PTGS1: variants seen among roughly 807,000 people sequenced by gnomAD.
PTGS1 encodes the protein prostaglandin-endoperoxide synthase 1.
In PTGS1, 40 loss-of-function variants were observed where a neutral mutation model predicts 63.0. That is an observed-to-expected ratio of 0.63 (90% CI 0.49 to 0.83). PTGS1 has a LOEUF of 0.83. Among genes scored for constraint, PTGS1 ranks in the 40% least tolerant of loss-of-function variants. The pLI is 0.00. For synonymous variants in PTGS1, 298 were observed against 301.9 expected (o/e 0.99, Z 0.13); for missense variants, 709 against 786.5 (o/e 0.90, Z 1.18).
chr9:122,388,409 G>A (rs775182843), intron 9 of PTGS1, among the ~76,000 whole-genome samples: 5 of 152,158 alleles, frequency 3.3e-5, no homozygotes, highest in Admixed American at 6.5e-5. Flanking sequence ...CCTCTCAGGG[G>A]TTCCCATGTG....
intron 2 of PTGS1, chr9:122,371,914 C>G: frequency 7.5e-6 from 8 of 1,066,136 alleles, no homozygotes; most frequent in Non-Finnish European, 1.1e-5. Context: ...CGTCCACACA[C>G]TTCGCAAGGT....
At chr9:122,375,344 C>T (rs759738095) in intron 2 of PTGS1, 15 of 985,484 alleles carry the variant, frequency 1.5e-5, no homozygotes, top group South Asian at 1.4e-4. Flanking sequence ...TTCTGCCTGC[C>T]GAGGCAGAGC....
chr9:122,391,384 T>TAC lies in PTGS1; in HGVS notation c.1445-803_1445-802dup, dbSNP rs1554722097. On this transcript the variant is annotated intron_variant, in intron 10 of 10. Coordinates refer to ENST00000362012, the MANE Select transcript of PTGS1 (RefSeq NM_000962.4). ...ATATATATATATACATATATATATA[T>TAC]ACATATATATATACATATATATATA... 3.1e-3 allele frequency among the ~76,000 whole-genome samples: 267 copies of TAC among 85,346 alleles called. 1 individual carries two copies. The highest frequency in any genetic ancestry group is 0.021 in the African/African-American group (258 of 12,250). The allele number at this position is 85,346 out of a possible 152,430, so 56.0% of individuals were successfully genotyped here. A position where few individuals can be genotyped will look rare whatever the true frequency, so the allele number is the denominator to read the frequency against.
chr9:122,371,917 C>G, intron 2 of PTGS1: 1 of 1,044,906 alleles, frequency 9.6e-7, no homozygotes, highest in Non-Finnish European at 1.4e-6. Flanking sequence ...CCACACACTT[C>G]GCAAGGTCTT....
chr9:122,383,829 T>G lies in PTGS1; in HGVS notation c.1009+74T>G, dbSNP rs559761520. The G allele has an allele frequency of 4.9e-5, 76 of 1,559,158 alleles. No homozygotes were observed. In the East Asian group the frequency reaches 1.6e-3, roughly 33 times the overall value. ...TGAGAAGTTGGGGGCGGGGGGGTAC[T>G]TAGAGGTGGAGGCTGGGATTAGAAT... is the stretch of plus-strand genomic sequence containing the variant. On this transcript the variant is annotated intron_variant, in intron 8 of 10. Coordinates refer to ENST00000362012, the MANE Select transcript of PTGS1 (RefSeq NM_000962.4).
intron 2 of PTGS1, chr9:122,371,527 A>G: frequency 7.4e-7 from 1 of 1,355,892 alleles, no homozygotes; most frequent in African/African-American, 1.5e-5. Flanking sequence ...GGGAGAAGGG[A>G]CAGTCCCTAT....
intron 8 of PTGS1, 36 bp downstream of exon 8, chr9:122,383,791 A>G (rs1837693190): frequency 6.3e-7 from 1 of 1,590,136 alleles, no homozygotes; most frequent in South Asian, 1.1e-5. Context: ...CTGGAAGGTC[A>G]TTCCCTCCAT....
Position 122,392,614 on chromosome 9 carries a change from T to C in PTGS1, c.*70T>C, listed in dbSNP as rs1461654660. 1.4e-6 allele frequency: 2 copies of C among 1,413,944 alleles called. No homozygotes were observed. Among genetic ancestry groups the C allele is most frequent in the Admixed American group, 4.1e-5 (2 of 48,562 alleles). 87.6% of individuals were successfully genotyped at this position (1,413,944 alleles called of 1,614,324 possible). On this transcript the variant is annotated 3_prime_UTR_variant, in exon 11 of 11. Transcript: ENST00000362012. ...CATTCCAGAGTGCTGAGGCCAGGGCTGATGGTCTTAAATGCTCATTTTCTG... is the reference window on the plus strand; with the variant it reads ...CATTCCAGAGTGCTGAGGCCAGGGCCGATGGTCTTAAATGCTCATTTTCTG...
intron 2 of PTGS1, among the ~76,000 whole-genome samples, chr9:122,377,468 GC>G (rs926723513): frequency 3.4e-4 from 51 of 151,190 alleles, no homozygotes; most frequent in African/African-American, 1.1e-3. Flanking sequence ...TTTTCTGACC[GC>G]CCCCCCACCC....
At chr9:122,371,476 C>A (rs1429425600) in intron 2 of PTGS1, 1 of 1,257,782 alleles carries the variant, frequency 8.0e-7, no homozygotes, top group African/African-American at 1.5e-5. Flanking sequence ...CTATCTAGTT[C>A]TTTCAGGGGA....
chr9:122,390,066 C>G lies in PTGS1; in HGVS notation c.1297-132C>G, dbSNP rs986737904. The stretch of plus-strand genomic sequence containing the variant: ...GGGCAGGTCTGCAGCATCACAACTG[C>G]TAGGCTGCCCAACACTCTCCATCCT... On this transcript the variant is annotated intron_variant, in intron 9 of 10. Coordinates refer to ENST00000362012, the MANE Select transcript of PTGS1 (RefSeq NM_000962.4). The G allele has an allele frequency of 4.5e-6, 5 of 1,099,832 alleles. No homozygotes were observed. In the African/African-American group the frequency reaches 7.9e-5, roughly 17 times the overall value. The allele number at this position is 1,099,832 out of a possible 1,614,324, so 68.1% of individuals were successfully genotyped here. A position where few individuals can be genotyped will look rare whatever the true frequency, so the allele number is the denominator to read the frequency against.
At chr9:122,371,332 A>G (rs1803541810) in intron 2 of PTGS1, 60 bp downstream of exon 2, 2 of 1,596,318 alleles carry the variant, frequency 1.3e-6, no homozygotes, top group Admixed American at 3.3e-5. Flanking sequence ...GCCTGGTTTC[A>G]ACCCCCTCCT....
Position 122,392,418 on chromosome 9 carries a change from C to T in PTGS1, c.1674C>T (p.Val558=). The T allele has an allele frequency of 6.2e-7, 1 of 1,614,140 alleles. No individual in the cohort carries two copies. Among genetic ancestry groups the T allele is most frequent in the Non-Finnish European group, 8.5e-7 (1 of 1,180,014 alleles). Residue 558 remains valine, a synonymous_variant, in exon 11 of 11, where the codon GTC becomes GTT. Transcript: ENST00000362012. ...TFGGEVGFNI[V]KTATLKKLVC... ...GCGGCGAGGTGGGCTTTAACATTGT[C>T]AAGACGGCCACACTGAAGAAGCTGG...
chr9:122,375,554 T>C, intron 2 of PTGS1: 2 of 906,314 alleles, frequency 2.2e-6, no homozygotes, highest in South Asian at 1.0e-4. Flanking sequence ...GCATAGCCTG[T>C]GCTGGGGGAA....
rs568125654 is a variant in PTGS1, at chr9:122,395,398, T to G, written c.*2854T>G. 1 of 152,222 alleles carries G rather than the reference T, an allele frequency of 6.6e-6. No homozygotes were observed. The highest frequency in any genetic ancestry group is 1.5e-5 in the Non-Finnish European group (1 of 68,030). The allele number at this position is 152,222 out of a possible 1,614,324, so 9.4% of individuals were successfully genotyped here. A position where few individuals can be genotyped will look rare whatever the true frequency, so the allele number is the denominator to read the frequency against. On this transcript the variant is annotated 3_prime_UTR_variant, in exon 11 of 11. Coordinates refer to ENST00000362012, the MANE Select transcript of PTGS1 (RefSeq NM_000962.4). ...GTTTGGTTGGGCTATAGCACACAGT[T>G]ATTTAATCAAACAGTAATCTAGGTG...
rs1838264950 is a variant in PTGS1 at position 122,391,407 on chromosome 9, A to ATGTG, written c.1445-781_1445-780insGTGT. ...TATACATATATATATACATATATATATACATATATATATATATATACATAT... is the reference window on the plus strand; with the variant it reads ...TATACATATATATATACATATATATATGTGTACATATATATATATATATACATAT... On this transcript the variant is annotated intron_variant, in intron 10 of 10. Transcript: ENST00000362012. 1.1e-4 allele frequency among the ~76,000 whole-genome samples: 6 copies of ATGTG among 53,366 alleles called. No individual in the cohort carries two copies. The African/African-American group carries it at 1.1e-3, about 10-fold the overall frequency. The allele number at this position is 53,366 out of a possible 152,430, so 35.0% of individuals were successfully genotyped here.
At chr9:122,388,277 C>T (rs73663905) in intron 9 of PTGS1, among the ~76,000 whole-genome samples, 4,396 of 152,074 alleles carry the variant, frequency 0.029, 179 homozygotes, top group African/African-American at 0.096. Flanking sequence ...AACTCCTGGG[C>T]TCAAGCGATC....
In PTGS1 at chr9:122,392,563, T is replaced by G. The variant is rs1838358011; in HGVS notation, c.*19T>G. The G allele has an allele frequency of 6.3e-7, 1 of 1,599,860 alleles. No individual in the cohort carries two copies. Among genetic ancestry groups the G allele is most frequent in the African/African-American group, 1.3e-5 (1 of 74,610 alleles). On this transcript the variant is annotated 3_prime_UTR_variant, in exon 11 of 11. Transcript: ENST00000362012. ...GCTCTGAGGGGCAGGAAAGCAGCAT[T>G]CTGGAGGGGAGAGCTTTGTGCTTGT...
intron 10 of PTGS1, among the ~76,000 whole-genome samples, chr9:122,391,956 A>G (rs1838311010): frequency 6.6e-6 from 1 of 151,872 alleles, no homozygotes. Flanking sequence ...CTTTAGTAGC[A>G]TTTTCCTTCC....
Sources: allele counts gnomAD v4.1 joint callset (sites outside exome capture counted in the v4.1 genomes callset), GRCh38; gene constraint gnomAD v4.1.1; transcripts MANE v1.5; gene names NCBI Gene and HGNC (gene_info 2026-07-23, HGNC 2026-07-21).